Variants in LRRC7 observed in about 807,000 individuals in gnomAD.
The protein encoded by LRRC7 is leucine rich repeat containing 7.
LRRC7 carries 23 observed loss-of-function variants against 175.7 expected under a neutral mutation model. The observed-to-expected ratio is 0.13, with a 90% CI of 0.09 to 0.19. The LOEUF (loss-of-function observed/expected upper bound fraction) is 0.19, where lower values mean the gene tolerates loss of function less well. Ranked by LOEUF, LRRC7 falls within the 10% of genes least tolerant of loss-of-function variation. LRRC7 has a pLI of 1.00. For missense variants in LRRC7, 1,354 were observed against 1,904.7 expected (o/e 0.71, Z 5.38); for synonymous variants, 685 against 680.9 (o/e 1.01, Z -0.09).
At chr1:70,103,612 A>G (rs1248543397) in intron 25 of LRRC7, among the ~76,000 whole-genome samples, 2 of 152,206 alleles carry the variant, frequency 1.3e-5, no homozygotes, top group Admixed American at 1.3e-4. Flanking sequence ...AGTGAGACCT[A>G]TGTTGGACTT....
At chr1:69,996,468 T>C (rs1310285288) in intron 11 of LRRC7, among the ~76,000 whole-genome samples, 2 of 151,854 alleles carry the variant, frequency 1.3e-5, no homozygotes, top group Non-Finnish European at 2.9e-5. Context: ...CATGAAGTCC[T>C]TGCCCATGCC....
chr1:69,948,058 C>T (rs575469683), intron 8 of LRRC7, among the ~76,000 whole-genome samples: 2 of 152,096 alleles, frequency 1.3e-5, no homozygotes, highest in African/African-American at 4.8e-5. Flanking sequence ...ATACGTTGGA[C>T]GAAGGGGTGA....
intron 7 of LRRC7, among the ~76,000 whole-genome samples, chr1:69,925,823 T>C (rs28852419): frequency 6.8e-6 from 1 of 146,850 alleles, no homozygotes; most frequent in East Asian, 2.1e-4. Flanking sequence ...TGATTTTAGT[T>C]ATTTCTTGCC....
intron 3 of LRRC7, among the ~76,000 whole-genome samples, chr1:69,764,235 AC>A (rs1373304766): frequency 6.6e-6 from 1 of 151,942 alleles, no homozygotes; most frequent in Non-Finnish European, 1.5e-5. Flanking sequence ...TGAATTAGGA[AC>A]TTAAAATTAT....
At chr1:70,079,574 G>A (rs1663061871) in intron 24 of LRRC7, among the ~76,000 whole-genome samples, 1 of 152,142 alleles carries the variant, frequency 6.6e-6, no homozygotes, top group African/African-American at 2.4e-5. Context: ...AACAAAATCT[G>A]ATTACAGTGA....
At chr1:69,704,854 C>T (rs1008261985) in intron 2 of LRRC7, among the ~76,000 whole-genome samples, 1 of 151,952 alleles carries the variant, frequency 6.6e-6, no homozygotes, top group Non-Finnish European at 1.5e-5. Context: ...TTAAGCATTA[C>T]AATACTATTG....
chr1:70,036,766 C>A (rs116675145), intron 20 of LRRC7, 142 bp downstream of exon 20: 6 of 826,968 alleles, frequency 7.3e-6, no homozygotes, highest in Middle Eastern at 3.6e-4. Context: ...AAATGTTGTT[C>A]GCCTGGGACT....
At position 69,939,037 on chromosome 1, in the gene LRRC7, A is replaced by C. The variant is rs868543600; in HGVS notation, c.711+7467A>C. 2.0e-4 allele frequency among the ~76,000 whole-genome samples: 16 copies of C among 80,954 alleles called. 1 individual carries two copies. The highest frequency in any genetic ancestry group is 5.4e-4 in the African/African-American group (14 of 25,924). 53.1% of individuals were successfully genotyped at this position (80,954 alleles called of 152,430 possible). ...TATCTATATATATATATATCTATATATATCTATATCTATCTCACAGACATT... is the reference window on the plus strand; with the variant it reads ...TATCTATATATATATATATCTATATCTATCTATATCTATCTCACAGACATT... On this transcript the variant is annotated intron_variant, in intron 8 of 26. Transcript: ENST00000651989.
At chr1:69,870,638 T>G (rs7543437) in intron 7 of LRRC7, among the ~76,000 whole-genome samples, 69,562 of 151,858 alleles carry the variant, frequency 0.46, 16,290 homozygotes, top group East Asian at 0.55. Context: ...CAATTCCCGA[T>G]GCCTAGAATT....
In LRRC7 at chr1:70,050,150, C is replaced by T. The variant is rs1209839833; in HGVS notation, c.4111-2876C>T. ...ATAAGAACACACATGCATGCACTTA[C>T]TCATACAAATGTGCCGACATATATA... is the stretch of plus-strand genomic sequence containing the variant. On this transcript the variant is annotated intron_variant, in intron 22 of 26. Coordinates refer to ENST00000651989, the MANE Select transcript of LRRC7 (RefSeq NM_001370785.2). 2.6e-5 allele frequency among the ~76,000 whole-genome samples: 4 copies of T among 152,178 alleles called. No homozygotes were observed. In the South Asian group the frequency reaches 6.2e-4, roughly 24 times the overall value.
At chr1:70,067,353 A>T (rs1387036210) in intron 23 of LRRC7, among the ~76,000 whole-genome samples, 1 of 152,112 alleles carries the variant, frequency 6.6e-6, no homozygotes, top group Non-Finnish European at 1.5e-5. Flanking sequence ...TGTGGATGTC[A>T]AACTGGGCCA....
chr1:69,803,223 A>G (rs549855595), intron 4 of LRRC7, among the ~76,000 whole-genome samples: 103 of 151,504 alleles, frequency 6.8e-4, no homozygotes, highest in Middle Eastern at 3.4e-3. Context: ...TTCATTTTCA[A>G]AAGTGTTTTG....
At chr1:69,904,801 T>C (rs1557870884) in intron 7 of LRRC7, among the ~76,000 whole-genome samples, 1 of 152,062 alleles carries the variant, frequency 6.6e-6, no homozygotes, top group Non-Finnish European at 1.5e-5. Context: ...CAATAAGCAG[T>C]TTTTCTATTC....
chr1:69,764,444 G>A (rs193207267), intron 3 of LRRC7, among the ~76,000 whole-genome samples: 58 of 152,060 alleles, frequency 3.8e-4, no homozygotes, highest in African/African-American at 1.4e-3. Context: ...GAATTTGGTA[G>A]ATGAAATCAA....
chr1:69,877,662 T>C (rs778056173), intron 7 of LRRC7, among the ~76,000 whole-genome samples: 2 of 152,162 alleles, frequency 1.3e-5, no homozygotes, highest in Non-Finnish European at 2.9e-5. Flanking sequence ...TTAATCCCCA[T>C]TCTAATCTCC....
At chr1:69,652,515 A>T (rs1656003011) in intron 1 of LRRC7, among the ~76,000 whole-genome samples, 1 of 152,172 alleles carries the variant, frequency 6.6e-6, no homozygotes, top group Admixed American at 6.5e-5. Context: ...GGATTTGAAG[A>T]CTTAATATTG....
At chr1:69,651,167 A>G (rs552880391) in intron 1 of LRRC7, among the ~76,000 whole-genome samples, 1 of 152,276 alleles carries the variant, frequency 6.6e-6, no homozygotes, top group South Asian at 2.1e-4. Context: ...ACTTTTCCAT[A>G]TTTTATTCAT....
At chr1:70,049,070 T>C (rs1469318294) in intron 22 of LRRC7, among the ~76,000 whole-genome samples, 2 of 152,142 alleles carry the variant, frequency 1.3e-5, no homozygotes, top group African/African-American at 4.8e-5. Flanking sequence ...CCACTGCTAG[T>C]TGGCTTATTG....
At chr1:69,888,059 T>C (rs1278577869) in intron 7 of LRRC7, among the ~76,000 whole-genome samples, 1 of 103,100 alleles carries the variant, frequency 9.7e-6, no homozygotes, top group Non-Finnish European at 2.1e-5. Context: ...CAGAGGTTAC[T>C]GCTGTCTTTT....
Sources: allele counts gnomAD v4.1 joint callset (sites outside exome capture counted in the v4.1 genomes callset), GRCh38; gene constraint gnomAD v4.1.1; transcripts MANE v1.5; gene names NCBI Gene and HGNC (gene_info 2026-07-23, HGNC 2026-07-21).